Variants in PALLD observed in about 807,000 individuals in gnomAD.
PALLD encodes palladin, cytoskeletal associated protein, also known as palladin.
In PALLD, 61 loss-of-function variants were observed where a neutral mutation model predicts 123.5. The ratio of observed to expected loss-of-function variants is 0.49; its 90% CI spans 0.40 to 0.61. The LOEUF (loss-of-function observed/expected upper bound fraction) is 0.61, where lower values mean the gene tolerates loss of function less well. Among genes scored for constraint, PALLD ranks in the 20% least tolerant of loss-of-function variants. The pLI is 0.00. For synonymous variants in PALLD, 465 were observed against 496.4 expected (o/e 0.94, Z 0.84); for missense variants, 1,273 against 1,377.0 (o/e 0.92, Z 1.20).
intron 10 of PALLD, among the ~76,000 whole-genome samples, chr4:168,760,681 C>T (rs1170816200): frequency 6.6e-6 from 1 of 152,146 alleles, no homozygotes; most frequent in Non-Finnish European, 1.5e-5. Context: ...CAAGAGCATG[C>T]TGGAAAATTC....
At chr4:168,905,157 T>G (rs562810749) in intron 15 of PALLD, among the ~76,000 whole-genome samples, 33 of 137,454 alleles carry the variant, frequency 2.4e-4, no homozygotes, top group African/African-American at 7.5e-4. Context: ...TTTTTTTTTT[T>G]TTTTTTTTTT....
Position 168,516,995 on chromosome 4 carries a change from G to A in PALLD, c.908+4583G>A, listed in dbSNP as rs556750691. The stretch of plus-strand genomic sequence containing the variant: ...GTGTTGGGTAGTTGGCAGCTGTAGT[G>A]GGAGGTGAGTGAAGTGTGGTGCCAA... On this transcript the variant is annotated intron_variant, in intron 2 of 21. Coordinates refer to ENST00000505667, the MANE Select transcript of PALLD (RefSeq NM_001166108.2). Among the ~76,000 whole-genome samples, 61 of 152,284 alleles carry A rather than the reference G, an allele frequency of 4.0e-4. 1 individual carries two copies. The highest frequency in any genetic ancestry group is 1.4e-3 in the African/African-American group (57 of 41,552).
intron 10 of PALLD, among the ~76,000 whole-genome samples, chr4:168,740,281 A>C (rs1169956538): frequency 6.6e-6 from 1 of 152,130 alleles, no homozygotes; most frequent in Non-Finnish European, 1.5e-5. Context: ...GTCACTCTAC[A>C]TTTTCCTTCT....
intron 2 of PALLD, among the ~76,000 whole-genome samples, chr4:168,581,600 T>C (rs1770285400): frequency 6.6e-6 from 1 of 152,080 alleles, no homozygotes; most frequent in African/African-American, 2.4e-5. Flanking sequence ...TATTTGGGGA[T>C]ATTGTTACTG....
chr4:168,809,362 G>T (rs1715182685), intron 10 of PALLD, among the ~76,000 whole-genome samples: 1 of 150,646 alleles, frequency 6.6e-6, no homozygotes, highest in Non-Finnish European at 1.5e-5. Context: ...GGAGAGACAG[G>T]GTCTCACCCT....
chr4:168,851,658 C>T (rs908710212), intron 10 of PALLD, among the ~76,000 whole-genome samples: 25 of 152,114 alleles, frequency 1.6e-4, no homozygotes, highest in African/African-American at 5.6e-4. Flanking sequence ...ATAAGCCCCA[C>T]GCCTGGCTGA....
intron 10 of PALLD, among the ~76,000 whole-genome samples, chr4:168,824,565 C>T (rs1743155086): frequency 6.6e-6 from 1 of 151,994 alleles, no homozygotes; most frequent in Non-Finnish European, 1.5e-5. Context: ...TTACTAAAAA[C>T]AGACAAATAT....
chr4:168,772,608 G>C (rs1734604524), intron 10 of PALLD, among the ~76,000 whole-genome samples: 1 of 152,140 alleles, frequency 6.6e-6, no homozygotes, highest in Admixed American at 6.5e-5. Flanking sequence ...GTGAATGATA[G>C]AGGTACACAG....
intron 10 of PALLD, among the ~76,000 whole-genome samples, chr4:168,855,247 C>T (rs1263290662): frequency 3.3e-5 from 5 of 152,018 alleles, no homozygotes; most frequent in Non-Finnish European, 7.4e-5. Flanking sequence ...CATGCCATCA[C>T]GCCCAGCTAA....
intron 3 of PALLD, among the ~76,000 whole-genome samples, chr4:168,672,398 C>A (rs922398509): frequency 5.3e-5 from 8 of 152,118 alleles, no homozygotes; most frequent in Admixed American, 2.0e-4. Flanking sequence ...TTCCCATTCC[C>A]CCCTTCTCCT....
chr4:168,719,199 C>T (rs1425849127), intron 10 of PALLD, among the ~76,000 whole-genome samples: 2 of 151,436 alleles, frequency 1.3e-5, no homozygotes, highest in Non-Finnish European at 2.9e-5. Context: ...AGCCACTGCT[C>T]CCAGCCACCA....
At chr4:168,510,997 A>C (rs1032951451) in intron 1 of PALLD, among the ~76,000 whole-genome samples, 2 of 152,242 alleles carry the variant, frequency 1.3e-5, no homozygotes, top group South Asian at 4.1e-4. Context: ...TTTCACTGAA[A>C]ACTATAAATA....
chr4:168,697,248 T>C (rs2150144801), intron 8 of PALLD, among the ~76,000 whole-genome samples: 1 of 152,334 alleles, frequency 6.6e-6, no homozygotes, highest in South Asian at 2.1e-4. Flanking sequence ...TTTTCAGACT[T>C]GTAAGATCCC....
At chr4:168,564,046 C>A (rs1768117914) in intron 2 of PALLD, among the ~76,000 whole-genome samples, 1 of 152,132 alleles carries the variant, frequency 6.6e-6, no homozygotes, top group South Asian at 2.1e-4. Flanking sequence ...CATTGTCTGT[C>A]CACATGGAAG....
At chr4:168,761,645 G>GTTGTT (rs1732869963) in intron 10 of PALLD, among the ~76,000 whole-genome samples, 1 of 88,024 alleles carries the variant, frequency 1.1e-5, no homozygotes, top group Non-Finnish European at 2.2e-5. Context: ...GTTGTTGTTT[G>GTTGTT]TTTTTTTTTT....
At chr4:168,579,161 G>A (rs558297730) in intron 2 of PALLD, among the ~76,000 whole-genome samples, 1 of 152,274 alleles carries the variant, frequency 6.6e-6, no homozygotes, top group South Asian at 2.1e-4. Context: ...TCCCACAGTG[G>A]GGAGGTCAAG....
intron 2 of PALLD, among the ~76,000 whole-genome samples, chr4:168,543,227 G>T (rs1045932413): frequency 6.6e-6 from 1 of 151,998 alleles, no homozygotes; most frequent in Non-Finnish European, 1.5e-5. Context: ...AAATGGAGAC[G>T]ATACTACTGT....
intron 10 of PALLD, among the ~76,000 whole-genome samples, chr4:168,855,089 CT>C (rs11338063): frequency 0.4 from 41,260 of 102,860 alleles, 5,501 homozygotes; most frequent in East Asian, 0.66. Flanking sequence ...AAGGAATGTT[CT>C]TTTTTTTTTT....
At chr4:168,596,913 T>C (rs1772045367) in intron 2 of PALLD, among the ~76,000 whole-genome samples, 1 of 150,232 alleles carries the variant, frequency 6.7e-6, no homozygotes, top group African/African-American at 2.4e-5. Context: ...TAAGCCCCAA[T>C]AAATTCAATA....
Sources: allele counts gnomAD v4.1 joint callset (sites outside exome capture counted in the v4.1 genomes callset), GRCh38; gene constraint gnomAD v4.1.1; transcripts MANE v1.5; gene names NCBI Gene and HGNC (gene_info 2026-07-23, HGNC 2026-07-21).